Variants in PCDHAC1 observed in about 807,000 individuals in gnomAD.
PCDHAC1 encodes protocadherin alpha-C1.
In PCDHAC1, 42 loss-of-function variants were observed where a neutral mutation model predicts 60.0. The observed-to-expected ratio is 0.70, with a 90% confidence interval of 0.55 to 0.90. PCDHAC1 has a LOEUF of 0.90. PCDHAC1 is among the 40% of genes least tolerant of loss of function. The pLI is 0.00. For synonymous variants in PCDHAC1, 468 were observed against 499.3 expected (o/e 0.94, Z 0.84); for missense variants, 1,160 against 1,222.3 (o/e 0.95, Z 0.76).
intron 1 of PCDHAC1, among the ~76,000 whole-genome samples, chr5:140,969,910 A>G (rs1364534841): frequency 9.9e-5 from 15 of 152,216 alleles, no homozygotes; most frequent in African/African-American, 3.6e-4. Context: ...GTCACAAGTG[A>G]TAAAGCTGTA....
At chr5:140,938,204 C>T (rs2091973590) in intron 1 of PCDHAC1, among the ~76,000 whole-genome samples, 1 of 152,136 alleles carries the variant, frequency 6.6e-6, no homozygotes, top group East Asian at 1.9e-4. Flanking sequence ...CGCCAGCCTC[C>T]CAAAGTGCTG....
At chr5:140,995,698 G>A (rs963042409) in intron 3 of PCDHAC1, among the ~76,000 whole-genome samples, 2 of 152,104 alleles carry the variant, frequency 1.3e-5, no homozygotes, top group African/African-American at 2.4e-5. Flanking sequence ...TTAAATAAAG[G>A]GCTGGGCTTG....
intron 1 of PCDHAC1, chr5:140,966,561 G>T: frequency 2.0e-6 from 1 of 488,962 alleles, no homozygotes; most frequent in African/African-American, 2.0e-5. Flanking sequence ...GGAGGAGCTG[G>T]AATATGGGGA....
intron 1 of PCDHAC1, among the ~76,000 whole-genome samples, chr5:140,936,591 G>T (rs1188475668): frequency 6.6e-6 from 1 of 152,180 alleles, no homozygotes; most frequent in Non-Finnish European, 1.5e-5. Context: ...CAGTTAGATT[G>T]CCTACTTTCC....
chr5:140,950,435 A>T (rs2094483371), intron 1 of PCDHAC1, among the ~76,000 whole-genome samples: 1 of 152,038 alleles, frequency 6.6e-6, no homozygotes, highest in Non-Finnish European at 1.5e-5. Flanking sequence ...CACTTAAAAA[A>T]AATGTTATTC....
At chr5:140,969,146 AAGGCCTGTCTGACAGC>A in intron 1 of PCDHAC1, 1 of 1,614,170 alleles carries the variant, frequency 6.2e-7, no homozygotes, top group Non-Finnish European at 8.5e-7. Flanking sequence ...CTACTGCTAC[AAGGCCTGTCTGACAGC>A]AGGCTCAGGG....
intron 1 of PCDHAC1, chr5:140,966,461 C>A: frequency 2.3e-6 from 1 of 429,006 alleles, no homozygotes; most frequent in East Asian, 3.5e-5. Flanking sequence ...CCCCCTCTGT[C>A]TTCCCTTCTG....
rs113142258 is a variant in PCDHAC1, at chr5:140,939,756, T to C, written c.2433+10431T>C. 3.3e-3 allele frequency among the ~76,000 whole-genome samples: 504 copies of C among 152,358 alleles called. 2 individuals carry two copies. Among genetic ancestry groups the C allele is most frequent in the African/African-American group, 0.012 (483 of 41,584 alleles). Reference sequence around the variant, plus strand: ...AGCTGTGTATCATTCATTGTCATTATATAGTATTTCAGGGTGTGAATGGTC... The same window carrying C: ...AGCTGTGTATCATTCATTGTCATTACATAGTATTTCAGGGTGTGAATGGTC... On this transcript the variant is annotated intron_variant, in intron 1 of 3. Transcript: ENST00000253807.
At chr5:140,966,405 A>G (rs562045428) in intron 1 of PCDHAC1, 6 of 404,248 alleles carry the variant, frequency 1.5e-5, no homozygotes, top group African/African-American at 1.2e-4. Context: ...TCGGCGCGGA[A>G]TCAGAGCAGG....
At chr5:140,988,761 A>G (rs1320753301) in intron 3 of PCDHAC1, among the ~76,000 whole-genome samples, 1 of 152,218 alleles carries the variant, frequency 6.6e-6, no homozygotes, top group Non-Finnish European at 1.5e-5. Context: ...TGGGCAGAAT[A>G]CAGTCATGGT....
Position 141,010,550 on chromosome 5 carries a change from ACC to A in PCDHAC1, c.*617_*618del. 3.2e-6 allele frequency: 1 copy of A among 316,712 alleles called. No individual in the cohort carries two copies. The highest frequency in any genetic ancestry group is 5.8e-6 in the Non-Finnish European group (1 of 172,196). The allele number at this position is 316,712 out of a possible 1,614,324, so 19.6% of individuals were successfully genotyped here. ...CAGCCACCCTCTAGGAGACAAAACT[ACC>A]CCCACTGACAAGGCTTTAGGAGACC... On this transcript the variant is annotated 3_prime_UTR_variant, in exon 4 of 4. Transcript: ENST00000253807.
chr5:141,007,275 T>C (rs1418814264), intron 3 of PCDHAC1, among the ~76,000 whole-genome samples: 2 of 151,338 alleles, frequency 1.3e-5, no homozygotes, highest in Non-Finnish European at 2.9e-5. Context: ...ACAGGCTGGG[T>C]GCAGTGGGCT....
chr5:140,987,096 C>T (rs1266691790), intron 3 of PCDHAC1, among the ~76,000 whole-genome samples: 3 of 151,912 alleles, frequency 2.0e-5, no homozygotes, highest in African/African-American at 7.3e-5. Context: ...TGCCTGTAAT[C>T]CCAGCTACTC....
At chr5:140,932,899 CAAT>C (rs1317207926) in intron 1 of PCDHAC1, among the ~76,000 whole-genome samples, 2 of 151,832 alleles carry the variant, frequency 1.3e-5, no homozygotes, top group Non-Finnish European at 3.0e-5. Context: ...TAGAGGGAAA[CAAT>C]AATATTTCAA....
At chr5:140,981,336 G>A (rs1332617891) in intron 2 of PCDHAC1, among the ~76,000 whole-genome samples, 1 of 152,188 alleles carries the variant, frequency 6.6e-6, no homozygotes, top group Non-Finnish European at 1.5e-5. Context: ...CACTTTGGGA[G>A]GGTGAGGCAG....
chr5:141,000,894 ATAGACGCT>A (rs1348330251), intron 3 of PCDHAC1, among the ~76,000 whole-genome samples: 1 of 152,128 alleles, frequency 6.6e-6, no homozygotes, highest in African/African-American at 2.4e-5. Context: ...GGCAACAGAT[ATAGACGCT>A]GTCTCTAAAA....
intron 1 of PCDHAC1, among the ~76,000 whole-genome samples, chr5:140,933,411 T>C (rs1174569571): frequency 6.6e-6 from 1 of 152,084 alleles, no homozygotes; most frequent in Non-Finnish European, 1.5e-5. Flanking sequence ...CATCTACAGA[T>C]ATTCTGTGTT....
At chr5:140,989,724 T>C (rs1251385686) in intron 3 of PCDHAC1, among the ~76,000 whole-genome samples, 6 of 152,178 alleles carry the variant, frequency 3.9e-5, no homozygotes, top group African/African-American at 1.4e-4. Context: ...AGCTTTGCAG[T>C]TGAAAAGGCC....
rs201572428 is a variant in PCDHAC1, at chr5:140,982,529, T to A, written c.2547T>A (p.Asp849Glu). 220 of 1,614,200 alleles carry A rather than the reference T, an allele frequency of 1.4e-4. No homozygotes were observed. Among genetic ancestry groups the A allele is most frequent in the Non-Finnish European group, 1.7e-4 (202 of 1,180,036 alleles). Reference sequence around the variant, plus strand: ...TACGGGCTGGTCCAGGAGGGCCTGATCAGCAGTGGCCAACAGTATCCAGTG... The same window carrying A: ...TACGGGCTGGTCCAGGAGGGCCTGAACAGCAGTGGCCAACAGTATCCAGTG... ...GILRAGPGGP[D>E]QQWPTVSSAT... Residue 849 changes from aspartate (D) to glutamate (E), a missense_variant, in exon 3 of 4, where the codon GAT becomes GAA. This residue lies in a region of PCDHAC1 where 1,113 missense variants were observed against 1,163.7 expected (regional missense o/e 0.96). Transcript: ENST00000253807.
Sources: allele counts gnomAD v4.1 joint callset (sites outside exome capture counted in the v4.1 genomes callset), GRCh38; gene constraint gnomAD v4.1.1; regional missense constraint gnomAD v4.1.1; transcripts MANE v1.5; gene names NCBI Gene and HGNC (gene_info 2026-07-23, HGNC 2026-07-21).